Variants in SORCS2 observed in about 807,000 individuals in gnomAD.
SORCS2 encodes the protein VPS10 domain-containing receptor SorCS2.
SORCS2 carries 100 observed loss-of-function variants against 141.6 expected under a neutral mutation model. The observed-to-expected ratio is 0.71, with a 90% CI of 0.60 to 0.83. The LOEUF (loss-of-function observed/expected upper bound fraction) is 0.83. SORCS2 is among the 40% of genes least tolerant of loss of function. The pLI is 0.00. For synonymous variants in SORCS2, 789 were observed against 676.9 expected (o/e 1.17, Z -2.57); for missense variants, 1,646 against 1,560.2 (o/e 1.05, Z -0.93).
intron 3 of SORCS2, among the ~76,000 whole-genome samples, chr4:7,535,894 A>T (rs1000575115): frequency 2.6e-5 from 4 of 152,236 alleles, no homozygotes; most frequent in African/African-American, 9.6e-5. Context: ...TGCTCGTGGC[A>T]TGTCCCGCCC....
Position 7,681,597 on chromosome 4 carries a change from A to C in SORCS2, c.1342-1146A>C, listed in dbSNP as rs184628904. ...CTGCCCTCCAGAGCTGTGGGAGAAT[A>C]CGTGTGTGTTGTCTGAAGCCACTGG... is the stretch of plus-strand genomic sequence containing the variant. On this transcript the variant is annotated intron_variant, in intron 9 of 26. Coordinates refer to ENST00000507866, the MANE Select transcript of SORCS2 (RefSeq NM_020777.3). 4.0e-3 allele frequency among the ~76,000 whole-genome samples: 608 copies of C among 152,298 alleles called. 4 individuals are homozygous for C. The highest frequency in any genetic ancestry group is 0.014 in the African/African-American group (574 of 41,562).
rs74854260 is a variant in SORCS2 at position 7,364,503 on chromosome 4, A to G, written c.481-31785A>G. Among the ~76,000 whole-genome samples, 1,147 of 152,214 alleles carry G rather than the reference A, an allele frequency of 7.5e-3. 17 individuals are homozygous for G. The highest frequency in any genetic ancestry group is 0.027 in the African/African-American group (1,109 of 41,532). ...GCAGCTGTGGGCTTCGGGGGCTTCA[A>G]TGGGGTGTACTCCTGAAGGAGGCCT... On this transcript the variant is annotated intron_variant, in intron 1 of 26. Transcript: ENST00000507866.
chr4:7,708,605 T>G (rs939335340), intron 14 of SORCS2, among the ~76,000 whole-genome samples: 9 of 152,176 alleles, frequency 5.9e-5, no homozygotes, highest in Non-Finnish European at 1.5e-5. Flanking sequence ...CGTCTTCCCC[T>G]TCCTGGACCC....
At chr4:7,610,521 G>A (rs892267696) in intron 3 of SORCS2, among the ~76,000 whole-genome samples, 4 of 152,166 alleles carry the variant, frequency 2.6e-5, no homozygotes, top group South Asian at 2.1e-4. Flanking sequence ...GGACGCAGAC[G>A]AGCAGACCTG....
At chr4:7,352,447 C>T (rs916414560) in intron 1 of SORCS2, among the ~76,000 whole-genome samples, 1 of 152,200 alleles carries the variant, frequency 6.6e-6, no homozygotes, top group African/African-American at 2.4e-5. Flanking sequence ...CTCCTGGATG[C>T]CATTTTGGAG....
At chr4:7,676,892 C>T (rs1560475786) in intron 9 of SORCS2, among the ~76,000 whole-genome samples, 1 of 21,864 alleles carries the variant, frequency 4.6e-5, no homozygotes, top group African/African-American at 1.1e-4. Flanking sequence ...TGAAGTTGGC[C>T]TCTCTCTCTC....
chr4:7,565,822 A>G (rs1560390876), intron 3 of SORCS2, among the ~76,000 whole-genome samples: 1 of 99,792 alleles, frequency 1.0e-5, no homozygotes, highest in East Asian at 3.7e-4. Flanking sequence ...TGATGATGGC[A>G]ATGGTGATGA....
intron 1 of SORCS2, among the ~76,000 whole-genome samples, chr4:7,305,970 C>G (rs1487654498): frequency 6.6e-6 from 1 of 152,222 alleles, no homozygotes; most frequent in African/African-American, 2.4e-5. Flanking sequence ...GCAGAAGATC[C>G]TGTGTGCCTT....
chr4:7,723,995 G>A, intron 19 of SORCS2, 112 bp downstream of exon 19: 1 of 1,301,870 alleles, frequency 7.7e-7, no homozygotes, highest in Non-Finnish European at 1.0e-6. Flanking sequence ...CTGGTACTCA[G>A]GACGGTGAAC....
At chr4:7,736,085 G>T (rs1293559037) in intron 25 of SORCS2, among the ~76,000 whole-genome samples, 1 of 152,254 alleles carries the variant, frequency 6.6e-6, no homozygotes, top group South Asian at 2.1e-4. Flanking sequence ...AGCAACGCCC[G>T]TTTGTCCCCA....
chr4:7,654,310 C>A, intron 5 of SORCS2, 103 bp downstream of exon 5: 1 of 1,199,586 alleles, frequency 8.3e-7, no homozygotes, highest in Admixed American at 2.1e-5. Flanking sequence ...CTTTCCTCCT[C>A]TGGACCCTCC....
At chr4:7,715,382 C>T (rs1726125405) in intron 17 of SORCS2, 71 bp downstream of exon 17, 2 of 1,580,326 alleles carry the variant, frequency 1.3e-6, no homozygotes, top group South Asian at 1.1e-5. Flanking sequence ...CGAAACCACG[C>T]CTTCCTGGCT....
chr4:7,737,533 C>G (rs1443642318), intron 26 of SORCS2, among the ~76,000 whole-genome samples: 1 of 152,186 alleles, frequency 6.6e-6, no homozygotes. Flanking sequence ...AGGCCTTTCC[C>G]CCACAGCCGC....
chr4:7,741,136 C>A lies in SORCS2; in HGVS notation c.*872C>A. 5.0e-6 allele frequency: 2 copies of A among 398,650 alleles called. No homozygotes were observed. Among genetic ancestry groups the A allele is most frequent in the Non-Finnish European group, 8.8e-6 (2 of 226,118 alleles). The allele number at this position is 398,650 out of a possible 1,614,324, so 24.7% of individuals were successfully genotyped here. A position where few individuals can be genotyped will look rare whatever the true frequency, so the allele number is the denominator to read the frequency against. On this transcript the variant is annotated 3_prime_UTR_variant, in exon 27 of 27. Transcript: ENST00000507866. ...TCTGGGCTCTGGAAGGAGCCAGATG[C>A]CCCCAGAAAGGTGGGTGGTGGAGAC...
chr4:7,595,353 G>A (rs1717195071), intron 3 of SORCS2, among the ~76,000 whole-genome samples: 1 of 152,148 alleles, frequency 6.6e-6, no homozygotes, highest in Non-Finnish European at 1.5e-5. Flanking sequence ...GTTTGTGGGG[G>A]CTTCATTACG....
intron 9 of SORCS2, among the ~76,000 whole-genome samples, chr4:7,676,876 TGTGTCTGAAGTTGGC>T (rs1485349863): frequency 1.1e-5 from 1 of 89,534 alleles, no homozygotes; most frequent in Non-Finnish European, 2.4e-5. Context: ...TCTCCCTCTC[TGTGTCTGAAGTTGGC>T]CTCTCTCTCT....
At chr4:7,326,656 A>G (rs1445091774) in intron 1 of SORCS2, among the ~76,000 whole-genome samples, 1 of 152,248 alleles carries the variant, frequency 6.6e-6, no homozygotes, top group Non-Finnish European at 1.5e-5. Flanking sequence ...TGCTGGGTAC[A>G]CACCACAGTG....
At chr4:7,378,805 G>T (rs1196558981) in intron 1 of SORCS2, among the ~76,000 whole-genome samples, 1 of 152,200 alleles carries the variant, frequency 6.6e-6, no homozygotes, top group African/African-American at 2.4e-5. Context: ...GGGCAGCTGA[G>T]AGTTATCCCA....
At chr4:7,359,211 G>A (rs1472785907) in intron 1 of SORCS2, among the ~76,000 whole-genome samples, 2 of 152,180 alleles carry the variant, frequency 1.3e-5, no homozygotes, top group East Asian at 3.9e-4. Context: ...CAGGAGAATT[G>A]CTTGAACCCA....
Sources: allele counts gnomAD v4.1 joint callset (sites outside exome capture counted in the v4.1 genomes callset), GRCh38; gene constraint gnomAD v4.1.1; transcripts MANE v1.5; gene names NCBI Gene and HGNC (gene_info 2026-07-23, HGNC 2026-07-21).